SDK1: variants seen among roughly 807,000 people sequenced by gnomAD.
SDK1 encodes sidekick cell adhesion molecule 1.
Under a neutral mutation model 245.5 loss-of-function variants are expected in SDK1, and 157 were observed. That is an observed-to-expected ratio of 0.64 (90% CI 0.56 to 0.73). SDK1 has a LOEUF of 0.73. SDK1 is among the 30% of genes least tolerant of loss of function. The probability of loss-of-function intolerance (pLI) is 0.00; values close to 1 mark genes in which losing one functional copy is unlikely to be tolerated. For missense variants in SDK1, 3,583 were observed against 3,002.3 expected (o/e 1.19, Z -4.52); for synonymous variants, 1,647 against 1,278.5 (o/e 1.29, Z -6.15).
intron 1 of SDK1, 120 bp from the exon 2 acceptor site, chr7:3,618,960 A>G: frequency 7.4e-6 from 6 of 816,180 alleles, no homozygotes; most frequent in Non-Finnish European, 1.1e-5. Context: ...TAATTGGGCC[A>G]AACAGCCATC....
intron 35 of SDK1, among the ~76,000 whole-genome samples, chr7:4,185,957 A>AG (rs1247084811): frequency 6.6e-6 from 1 of 152,014 alleles, no homozygotes; most frequent in African/African-American, 2.4e-5. Context: ...CTGAGCTCTA[A>AG]GGGGGGATGG....
At chr7:3,846,990 C>A (rs765401883) in intron 5 of SDK1, among the ~76,000 whole-genome samples, 2 of 152,154 alleles carry the variant, frequency 1.3e-5, no homozygotes, top group Non-Finnish European at 2.9e-5. Flanking sequence ...CTGGCTGTCC[C>A]CAGTGCCACC....
intron 4 of SDK1, among the ~76,000 whole-genome samples, chr7:3,780,461 G>C (rs548676564): frequency 3.3e-5 from 5 of 152,332 alleles, no homozygotes; most frequent in African/African-American, 1.2e-4. Flanking sequence ...GTTTCTGGCA[G>C]CTGTGGCTCC....
At chr7:3,744,946 G>A (rs1013339500) in intron 4 of SDK1, among the ~76,000 whole-genome samples, 54 of 151,898 alleles carry the variant, frequency 3.6e-4, no homozygotes, top group African/African-American at 1.2e-3. Context: ...TTTCCCTCAC[G>A]AAGGCCAAAT....
At chr7:3,338,712 A>G (rs1411118167) in intron 1 of SDK1, 4 of 176,514 alleles carry the variant, frequency 2.3e-5, no homozygotes, top group Admixed American at 6.3e-5. Flanking sequence ...GGCAACTTAC[A>G]TGGAAGCATG....
At chr7:3,870,077 A>G (rs1780919788) in intron 5 of SDK1, among the ~76,000 whole-genome samples, 1 of 152,238 alleles carries the variant, frequency 6.6e-6, no homozygotes, top group Non-Finnish European at 1.5e-5. Flanking sequence ...TGATCAAAAT[A>G]ATAAAAGGCA....
intron 5 of SDK1, among the ~76,000 whole-genome samples, chr7:3,933,404 C>T (rs1583583626): frequency 6.6e-6 from 1 of 152,204 alleles, no homozygotes. Context: ...TGAGCCGCTG[C>T]ACCCAGCTGA....
intron 4 of SDK1, among the ~76,000 whole-genome samples, chr7:3,704,486 C>A (rs1036047422): frequency 2.6e-5 from 4 of 151,618 alleles, no homozygotes; most frequent in African/African-American, 7.3e-5. Context: ...TGTATATCTT[C>A]TTTTGAGAAA....
chr7:3,420,913 C>T (rs1490686809), intron 1 of SDK1, among the ~76,000 whole-genome samples: 3 of 152,130 alleles, frequency 2.0e-5, no homozygotes, highest in Non-Finnish European at 2.9e-5. Flanking sequence ...TCCTTCCACA[C>T]CTCCCTGATA....
chr7:3,833,058 T>G (rs192136148), intron 5 of SDK1, among the ~76,000 whole-genome samples: 1 of 152,126 alleles, frequency 6.6e-6, no homozygotes, highest in Non-Finnish European at 1.5e-5. Context: ...ACCTCAGTAT[T>G]AGGCCTGCAT....
rs547093474 is a variant in SDK1, at chr7:3,825,214, G to T, written c.847+3631G>T. Among the ~76,000 whole-genome samples the T allele has an allele frequency of 6.0e-5, 9 of 150,528 alleles. No homozygotes were observed. The South Asian group carries it at 1.9e-3, about 32-fold the overall frequency. ...AGACCCGGGAAAGCTTTATGAACCTGTCAACCTATTTTTGGCTTTTGCTTT... is the reference window on the plus strand; with the variant it reads ...AGACCCGGGAAAGCTTTATGAACCTTTCAACCTATTTTTGGCTTTTGCTTT... On this transcript the variant is annotated intron_variant, in intron 5 of 44. Coordinates refer to ENST00000404826, the MANE Select transcript of SDK1 (RefSeq NM_152744.4).
intron 25 of SDK1, among the ~76,000 whole-genome samples, chr7:4,117,334 G>T (rs1201828207): frequency 6.6e-6 from 1 of 152,110 alleles, no homozygotes; most frequent in Non-Finnish European, 1.5e-5. Context: ...CAGGTGTGGT[G>T]GCATGCACCT....
At chr7:3,989,961 C>T (rs991488573) in intron 14 of SDK1, among the ~76,000 whole-genome samples, 1 of 152,196 alleles carries the variant, frequency 6.6e-6, no homozygotes, top group Non-Finnish European at 1.5e-5. Context: ...GATGGGATCC[C>T]TGTGCTGTCT....
intron 1 of SDK1, among the ~76,000 whole-genome samples, chr7:3,574,459 CTGT>C (rs1374657480): frequency 3.9e-5 from 6 of 152,096 alleles, no homozygotes; most frequent in East Asian, 1.9e-4. Context: ...GCTATTCCTA[CTGT>C]TGTTAACTGA....
chr7:4,092,869 G>A (rs1045243143), intron 22 of SDK1, among the ~76,000 whole-genome samples: 1 of 152,164 alleles, frequency 6.6e-6, no homozygotes, highest in African/African-American at 2.4e-5. Flanking sequence ...GCAGGGCAGG[G>A]ACGAAAGCTC....
intron 4 of SDK1, among the ~76,000 whole-genome samples, chr7:3,678,371 T>C (rs375976062): frequency 1.3e-5 from 2 of 152,234 alleles, no homozygotes; most frequent in Admixed American, 1.3e-4. Flanking sequence ...ATAATCTAAG[T>C]GTCCATCAGC....
intron 1 of SDK1, among the ~76,000 whole-genome samples, chr7:3,439,309 A>C (rs1006833145): frequency 6.6e-6 from 1 of 152,196 alleles, no homozygotes; most frequent in Non-Finnish European, 1.5e-5. Flanking sequence ...TTTCTTGCTT[A>C]AAAACCAATA....
intron 4 of SDK1, among the ~76,000 whole-genome samples, chr7:3,760,790 A>G (rs993702558): frequency 6.6e-6 from 1 of 152,250 alleles, no homozygotes; most frequent in Non-Finnish European, 1.5e-5. Context: ...CAATATCATT[A>G]GGATCATACG....
chr7:3,473,061 A>C (rs895502120), intron 1 of SDK1, among the ~76,000 whole-genome samples: 2 of 152,088 alleles, frequency 1.3e-5, no homozygotes, highest in African/African-American at 4.8e-5. Flanking sequence ...TGACATTTGC[A>C]TGGCTTCTTA....
Sources: gnomAD v4.1 joint callset for allele counts (sites outside exome capture counted in the v4.1 genomes callset) on GRCh38, gnomAD v4.1.1 for gene constraint, MANE v1.5 for transcripts, NCBI Gene and HGNC (gene_info 2026-07-23, HGNC 2026-07-21) for gene names.